The following TBCK variants were observed in gnomAD, a reference collection of about 807,000 sequenced individuals.
TBCK encodes the protein TBC domain-containing protein kinase-like protein.
In TBCK, 99 loss-of-function variants were observed where a neutral mutation model predicts 113.4. The ratio of observed to expected loss-of-function variants is 0.87; its 90% CI spans 0.74 to 1.03. The LOEUF (loss-of-function observed/expected upper bound fraction) is 1.03. Among genes scored for constraint, TBCK ranks in the 50% least tolerant of loss-of-function variants. TBCK has a pLI of 0.00. For missense variants in TBCK, 1,045 were observed against 1,061.3 expected, an observed-to-expected ratio of 0.98 and a Z score of 0.21; for synonymous variants, 369 against 370.8, an observed-to-expected ratio of 1.00 and a Z score of 0.05.
chr4:106,058,867 G>C (rs987585949), intron 25 of TBCK, among the ~76,000 whole-genome samples: 1 of 151,668 alleles, frequency 6.6e-6, no homozygotes, highest in African/African-American at 2.4e-5. Context: ...TTGCAGGCAG[G>C]AACAGTGGGG....
intron 25 of TBCK, among the ~76,000 whole-genome samples, chr4:106,080,939 T>C (rs976482060): frequency 3.3e-5 from 5 of 152,164 alleles, no homozygotes; most frequent in African/African-American, 1.2e-4. Flanking sequence ...TCACTGATCA[T>C]TAGAGAAATG....
chr4:106,177,438 C>T (rs1428473806), intron 22 of TBCK, among the ~76,000 whole-genome samples: 1 of 151,790 alleles, frequency 6.6e-6, no homozygotes, highest in African/African-American at 2.4e-5. Flanking sequence ...GAGACATTTC[C>T]ACAACGTGGT....
intron 25 of TBCK, among the ~76,000 whole-genome samples, chr4:106,091,469 T>C (rs529880749): frequency 6.6e-6 from 1 of 152,318 alleles, no homozygotes; most frequent in East Asian, 1.9e-4. Context: ...TTACAGTTCT[T>C]AAAGGCAGCG....
Position 106,236,536 on chromosome 4 carries a change from A to G in TBCK, c.1221-17T>C. 1 of 1,467,218 alleles carries G rather than the reference A, an allele frequency of 6.8e-7. No homozygotes were observed. The highest frequency in any genetic ancestry group is 9.0e-7 in the Non-Finnish European group (1 of 1,111,440). 90.9% of individuals were successfully genotyped at this position (1,467,218 alleles called of 1,614,324 possible). A position where few individuals can be genotyped will look rare whatever the true frequency, so the allele number is the denominator to read the frequency against. On this transcript the variant is annotated splice_polypyrimidine_tract_variant and intron_variant, in intron 13 of 25. Coordinates refer to ENST00000394708, the MANE Select transcript of TBCK (RefSeq NM_001163435.3). ...TTAGACTGGCTGTAAAAGAGAACAA[A>G]AGCAATAAAAAAAAAAAATGGACAA...
intron 24 of TBCK, 114 bp downstream of exon 24, chr4:106,116,089 C>T (rs1458869042): frequency 3.0e-6 from 3 of 996,882 alleles, no homozygotes; most frequent in African/African-American, 1.6e-5. Context: ...AATTTAACTA[C>T]TTGAATTCAG....
At chr4:106,305,188 G>T (rs1468935543) in intron 2 of TBCK, among the ~76,000 whole-genome samples, 1 of 151,640 alleles carries the variant, frequency 6.6e-6, no homozygotes, top group African/African-American at 2.4e-5. Flanking sequence ...TTTCTTTCAT[G>T]TACTATATAT....
At chr4:106,129,459 G>C (rs2149613299) in intron 23 of TBCK, among the ~76,000 whole-genome samples, 1 of 152,220 alleles carries the variant, frequency 6.6e-6, no homozygotes, top group Non-Finnish European at 1.5e-5. Flanking sequence ...CACTTCTTAA[G>C]TATAAAGAAA....
chr4:106,284,039 T>A (rs971991172), intron 3 of TBCK, among the ~76,000 whole-genome samples: 10 of 152,112 alleles, frequency 6.6e-5, no homozygotes, highest in African/African-American at 2.4e-4. Context: ...AAAGCAAAAG[T>A]TTGTTGCAAG....
rs1295995282 is a variant in TBCK, at chr4:106,219,226, G to T, written c.1775-6391C>A. Among the ~76,000 whole-genome samples the T allele has an allele frequency of 5.6e-3, 651 of 116,576 alleles. 6 individuals are homozygous for T. Among genetic ancestry groups the T allele is most frequent in the Non-Finnish European group, 6.4e-3 (373 of 58,410 alleles). The allele number at this position is 116,576 out of a possible 152,430, so 76.5% of individuals were successfully genotyped here. On this transcript the variant is annotated intron_variant, in intron 19 of 25. Coordinates refer to ENST00000394708, the MANE Select transcript of TBCK (RefSeq NM_001163435.3). ...CACACTCTGGGGCCTGTTGTGGGGT[G>T]GGGGGAGGGGGGAGGGATAGCACTG...
Position 106,141,784 on chromosome 4 carries a change from T to C in TBCK, c.2236-25406A>G, listed in dbSNP as rs190586490. ...GTTTTTGGAAAAAATAATCATGCCA[T>C]AGGTTAATTTTCTTCATTTAGCTAT... On this transcript the variant is annotated intron_variant, in intron 23 of 25. Transcript: ENST00000394708. 5.8e-4 allele frequency among the ~76,000 whole-genome samples: 82 copies of C among 141,034 alleles called. 4 individuals are homozygous for C. Among genetic ancestry groups the C allele is most frequent in the African/African-American group, 1.8e-3 (71 of 40,054 alleles). The allele number at this position is 141,034 out of a possible 152,430, so 92.5% of individuals were successfully genotyped here.
At chr4:106,149,550 G>A (rs1748237048) in intron 23 of TBCK, among the ~76,000 whole-genome samples, 1 of 152,138 alleles carries the variant, frequency 6.6e-6, no homozygotes, top group Admixed American at 6.5e-5. Flanking sequence ...GGCTGGTTGG[G>A]GGAGCAATGA....
chr4:106,049,427 GA>G (rs540081424), intron 25 of TBCK, among the ~76,000 whole-genome samples: 72 of 152,054 alleles, frequency 4.7e-4, no homozygotes, highest in Non-Finnish European at 6.8e-4. Flanking sequence ...CTCTTAAAGG[GA>G]ATGAGAATCC....
chr4:106,202,580 G>A (rs1437747597), intron 20 of TBCK, among the ~76,000 whole-genome samples: 1 of 152,036 alleles, frequency 6.6e-6, no homozygotes, highest in Non-Finnish European at 1.5e-5. Context: ...AGAGAAAACT[G>A]TTTCATAACA....
intron 24 of TBCK, among the ~76,000 whole-genome samples, chr4:106,104,447 G>C (rs1361804973): frequency 6.6e-6 from 1 of 152,234 alleles, no homozygotes; most frequent in Admixed American, 6.5e-5. Flanking sequence ...GCACAGCATA[G>C]ATGCTCTACC....
chr4:106,316,381 G>T (rs1768876493), upstream of TBCK: 1 of 666,854 alleles, frequency 1.5e-6, no homozygotes, highest in East Asian at 2.8e-5. Context: ...GAAAATACTG[G>T]GTGAGGGAAT....
intron 23 of TBCK, among the ~76,000 whole-genome samples, chr4:106,124,458 C>G (rs1744885546): frequency 6.6e-6 from 1 of 152,140 alleles, no homozygotes; most frequent in South Asian, 2.1e-4. Context: ...CCTCAGGGAT[C>G]TAGAACTAGA....
At position 106,131,532 on chromosome 4, in the gene TBCK, G is replaced by C. The variant is rs1276593047; in HGVS notation, c.2236-15154C>G. Among the ~76,000 whole-genome samples the C allele has an allele frequency of 3.3e-5, 5 of 152,308 alleles. No homozygotes were observed. The South Asian group carries it at 8.3e-4, about 25-fold the overall frequency. ...GGAGGCTGAGGCAGGAGAATTGCTT[G>C]AATCCAGGAGGCGGAGGTTGCAGCG... On this transcript the variant is annotated intron_variant, in intron 23 of 25. Transcript: ENST00000394708.
In TBCK at chr4:106,308,974, G is replaced by A; in HGVS notation, c.-14C>T. On this transcript the variant is annotated 5_prime_UTR_variant, in exon 2 of 26. Coordinates refer to ENST00000394708, the MANE Select transcript of TBCK (RefSeq NM_001163435.3). ...CAGGGGAAACATTTTTGGAGTCCTA[G>A]GTCTTCTAAGATAATCTGGAAAAGG... 1 of 1,606,666 alleles carries A rather than the reference G, an allele frequency of 6.2e-7. No individual in the cohort carries two copies. Among genetic ancestry groups the A allele is most frequent in the East Asian group, 2.2e-5 (1 of 44,780 alleles).
At chr4:106,130,623 C>T (rs972992588) in intron 23 of TBCK, among the ~76,000 whole-genome samples, 33 of 151,498 alleles carry the variant, frequency 2.2e-4, no homozygotes, top group African/African-American at 7.8e-4. Context: ...CACACACACA[C>T]ACACACCACA....
Sources: gnomAD v4.1 joint callset for allele counts (sites outside exome capture counted in the v4.1 genomes callset) on GRCh38, gnomAD v4.1.1 for gene constraint, MANE v1.5 for transcripts, NCBI Gene and HGNC (gene_info 2026-07-23, HGNC 2026-07-21) for gene names.